SGCZ: variants seen among roughly 807,000 people sequenced by gnomAD.
The protein encoded by SGCZ is sarcoglycan zeta.
SGCZ carries 40 observed loss-of-function variants against 41.3 expected under a neutral mutation model. The observed-to-expected ratio is 0.97, with a 90% CI of 0.75 to 1.26. The LOEUF is 1.26. Among genes scored for constraint, SGCZ ranks in the 50% most tolerant of loss-of-function variants. SGCZ has a pLI of 0.00. For synonymous variants in SGCZ, 206 were observed against 137.5 expected, an observed-to-expected ratio of 1.50 and a Z score of -3.49; for missense variants, 552 against 369.8, an observed-to-expected ratio of 1.49 and a Z score of -4.04.
intron 1 of SGCZ, among the ~76,000 whole-genome samples, chr8:15,206,452 C>CT (rs3069943): frequency 0.53 from 76,685 of 144,296 alleles, 20,969 homozygotes; most frequent in Non-Finnish European, 0.59. Flanking sequence ...TCTGGGGAGT[C>CT]TTTTTTTTTT....
intron 1 of SGCZ, among the ~76,000 whole-genome samples, chr8:15,043,945 A>G (rs993099962): frequency 5.9e-5 from 9 of 152,106 alleles, no homozygotes; most frequent in African/African-American, 1.7e-4. Context: ...TACTCCCACA[A>G]GGTTCTCTCT....
chr8:14,764,814 T>C (rs1203558508), intron 1 of SGCZ, among the ~76,000 whole-genome samples: 1 of 152,192 alleles, frequency 6.6e-6, no homozygotes, highest in African/African-American at 2.4e-5. Flanking sequence ...TGTTGAATAA[T>C]GAACATGCTT....
intron 1 of SGCZ, among the ~76,000 whole-genome samples, chr8:14,555,319 A>G (rs1029263213): frequency 2.0e-5 from 3 of 151,962 alleles, no homozygotes. Context: ...GTACTCTCCA[A>G]TGTTGGAGAT....
At chr8:14,093,409 A>G (rs560878471) in intron 7 of SGCZ, among the ~76,000 whole-genome samples, 3 of 152,236 alleles carry the variant, frequency 2.0e-5, no homozygotes, top group Admixed American at 6.6e-5. Context: ...ATGTCTTTCC[A>G]TGGCCCAAAG....
intron 2 of SGCZ, among the ~76,000 whole-genome samples, chr8:14,551,490 T>TATATATATA (rs1803824685): frequency 1.1e-3 from 3 of 2,672 alleles, no homozygotes; most frequent in African/African-American, 4.5e-3. Context: ...TTATATATAT[T>TATATATATA]ATATATATTA....
At chr8:14,551,508 TATATATA>T (rs1803831180) in intron 2 of SGCZ, among the ~76,000 whole-genome samples, 2 of 4,808 alleles carry the variant, frequency 4.2e-4, no homozygotes, top group Non-Finnish European at 6.6e-4. Flanking sequence ...TTATATATAT[TATATATA>T]TTATATATAA....
At chr8:14,369,321 C>T (rs7822533) in intron 2 of SGCZ, among the ~76,000 whole-genome samples, 2,114 of 152,006 alleles carry the variant, frequency 0.014, 47 homozygotes, top group African/African-American at 0.046. Context: ...ATGACCTTAA[C>T]ATTTTAGAGA....
intron 1 of SGCZ, among the ~76,000 whole-genome samples, chr8:14,616,004 C>T (rs1393445780): frequency 2.0e-5 from 3 of 152,138 alleles, no homozygotes; most frequent in African/African-American, 7.2e-5. Flanking sequence ...AAACCCTGGG[C>T]TGGGCGCAGT....
intron 2 of SGCZ, among the ~76,000 whole-genome samples, chr8:14,545,105 C>G (rs1006877047): frequency 6.6e-6 from 1 of 152,064 alleles, no homozygotes; most frequent in Non-Finnish European, 1.5e-5. Flanking sequence ...CTCTTTATTT[C>G]TCAGCCGGCT....
At chr8:14,735,100 G>C (rs1328153330) in intron 1 of SGCZ, among the ~76,000 whole-genome samples, 35 of 152,250 alleles carry the variant, frequency 2.3e-4, no homozygotes, top group Admixed American at 2.3e-3. Context: ...TCCCCAAAAA[G>C]ACGGTAGCAC....
At chr8:15,236,343 G>A (rs1350854058) in intron 1 of SGCZ, among the ~76,000 whole-genome samples, 1 of 152,176 alleles carries the variant, frequency 6.6e-6, no homozygotes, top group Non-Finnish European at 1.5e-5. Flanking sequence ...AGGCTTTGGA[G>A]CTCTGCAGGG....
chr8:14,326,682 T>C (rs1235195885), intron 2 of SGCZ, among the ~76,000 whole-genome samples: 1 of 152,186 alleles, frequency 6.6e-6, no homozygotes, highest in Non-Finnish European at 1.5e-5. Context: ...TCAAGTGGAA[T>C]TAAAGAGTTA....
intron 5 of SGCZ, among the ~76,000 whole-genome samples, chr8:14,138,197 GAAC>G (rs1472691234): frequency 3.3e-5 from 5 of 152,002 alleles, no homozygotes; most frequent in Non-Finnish European, 5.9e-5. Context: ...ACATGGAAAG[GAAC>G]AACCAGTACC....
intron 1 of SGCZ, among the ~76,000 whole-genome samples, chr8:14,606,729 C>T (rs758429457): frequency 6.6e-6 from 1 of 152,064 alleles, no homozygotes; most frequent in African/African-American, 2.4e-5. Context: ...CAGCAAAATC[C>T]CTGGCACATG....
rs146231217 is a variant in SGCZ, at chr8:14,705,084, T to A, written c.40-150158A>T. On this transcript the variant is annotated intron_variant, in intron 1 of 7. Coordinates refer to ENST00000382080, the MANE Select transcript of SGCZ (RefSeq NM_139167.4). ...CTGATCTTTTTTCCAGTTCTAAAGT[T>A]GAAAACTGTCCAAATGAAGATTAGC... Among the ~76,000 whole-genome samples, 322 of 152,086 alleles carry A rather than the reference T, an allele frequency of 2.1e-3. 3 individuals carry two copies. The highest frequency in any genetic ancestry group is 7.6e-3 in the African/African-American group (315 of 41,556).
rs1470582709 is a variant in SGCZ at position 14,213,503 on chromosome 8, A to T, written c.424+24089T>A. Among the ~76,000 whole-genome samples, 4 of 152,158 alleles carry T rather than the reference A, an allele frequency of 2.6e-5. No individual in the cohort carries two copies. The South Asian group carries it at 8.3e-4, about 31-fold the overall frequency. ...ATAAACACCTTCTTATACAAAGAAAAAATAAGAGAATATGTTATCAGTAGA... is the reference window on the plus strand; with the variant it reads ...ATAAACACCTTCTTATACAAAGAAATAATAAGAGAATATGTTATCAGTAGA... On this transcript the variant is annotated intron_variant, in intron 4 of 7. Coordinates refer to ENST00000382080, the MANE Select transcript of SGCZ (RefSeq NM_139167.4).
rs186024866 is a variant in SGCZ, at chr8:14,265,876, C to A, written c.337-28197G>T. Among the ~76,000 whole-genome samples the A allele has an allele frequency of 2.7e-3, 413 of 151,298 alleles. 11 individuals are homozygous for A. Among genetic ancestry groups the A allele is most frequent in the Admixed American group, 0.026 (392 of 15,212 alleles). ...AAAGAGCATCAATAGCAGAACTGAT[C>A]AAGCAGAAGAAATAACTAGTGAAGT... is the stretch of plus-strand genomic sequence containing the variant. On this transcript the variant is annotated intron_variant, in intron 3 of 7. Coordinates refer to ENST00000382080, the MANE Select transcript of SGCZ (RefSeq NM_139167.4).
At chr8:14,113,032 T>C (rs1191574521) in intron 5 of SGCZ, among the ~76,000 whole-genome samples, 1 of 152,162 alleles carries the variant, frequency 6.6e-6, no homozygotes, top group South Asian at 2.1e-4. Context: ...TTTCAACATA[T>C]ACTACATCTC....
intron 1 of SGCZ, among the ~76,000 whole-genome samples, chr8:14,998,747 T>C (rs948115749): frequency 1.3e-5 from 2 of 152,220 alleles, no homozygotes; most frequent in Non-Finnish European, 2.9e-5. Context: ...AACAGGGATC[T>C]AGATGTAGCA....
Sources: gnomAD v4.1 joint callset for allele counts (sites outside exome capture counted in the v4.1 genomes callset) on GRCh38, gnomAD v4.1.1 for gene constraint, MANE v1.5 for transcripts, NCBI Gene and HGNC (gene_info 2026-07-23, HGNC 2026-07-21) for gene names.